PRPF3: variants seen among roughly 807,000 people sequenced by gnomAD.
The protein encoded by PRPF3 is pre-mRNA processing factor 3.
PRPF3 carries 3 observed loss-of-function variants against 89.2 expected under a neutral mutation model. The ratio of observed to expected loss-of-function variants is 0.03; its 90% CI spans 0.02 to 0.09. The LOEUF (loss-of-function observed/expected upper bound fraction) is 0.09, where lower values mean the gene tolerates loss of function less well. PRPF3 is among the 10% of genes least tolerant of loss of function. The probability of loss-of-function intolerance (pLI) is 1.00; values close to 1 mark genes in which losing one functional copy is unlikely to be tolerated. For missense variants in PRPF3, 463 were observed against 828.8 expected (o/e 0.56, Z 5.42); for synonymous variants, 270 against 289.1 (o/e 0.93, Z 0.67).
At chr1:150,327,296 G>A (rs587631199) in intron 3 of PRPF3, among the ~76,000 whole-genome samples, 1 of 152,116 alleles carries the variant, frequency 6.6e-6, no homozygotes, top group Admixed American at 6.6e-5. Flanking sequence ...TCGAACTCCT[G>A]ACCTCAAGAT....
chr1:150,333,312 C>A, intron 6 of PRPF3, 113 bp downstream of exon 6: 1 of 1,208,952 alleles, frequency 8.3e-7, no homozygotes, highest in Non-Finnish European at 1.2e-6. Context: ...GTAATCGTAG[C>A]ACTTTGGGAG....
chr1:150,347,994 G>A (rs1658463866), intron 14 of PRPF3, among the ~76,000 whole-genome samples: 1 of 152,192 alleles, frequency 6.6e-6, no homozygotes, highest in Admixed American at 6.5e-5. Flanking sequence ...GTCAAGGACT[G>A]TCTGTCTATA....
At chr1:150,336,637 T>C (rs1236627438) in intron 7 of PRPF3, among the ~76,000 whole-genome samples, 1 of 151,966 alleles carries the variant, frequency 6.6e-6, no homozygotes. Flanking sequence ...GTGCCTGTAA[T>C]CCTAGCTACT....
At position 150,323,173 on chromosome 1, in the gene PRPF3, C is replaced by CTTTTTTTTTTTTTTT. The variant is rs71083901; in HGVS notation, c.-49+1591_-49+1605dup. On this transcript the variant is annotated intron_variant, in intron 1 of 15. Transcript: ENST00000324862. Reference sequence around the variant, plus strand: ...TACAGGCGTGAGCCACCGCACCTGGCTTTTTTTTTTTTTTTTTTTTTTTTG... The same window carrying CTTTTTTTTTTTTTTT: ...TACAGGCGTGAGCCACCGCACCTGGCTTTTTTTTTTTTTTTTTTTTTTTTTTTTTTTTTTTTTTTG... 7.0e-4 allele frequency among the ~76,000 whole-genome samples: 34 copies of CTTTTTTTTTTTTTTT among 48,286 alleles called. 10 individuals are homozygous for CTTTTTTTTTTTTTTT. Among genetic ancestry groups the CTTTTTTTTTTTTTTT allele is most frequent in the African/African-American group, 2.8e-3 (29 of 10,350 alleles). 31.7% of individuals were successfully genotyped at this position (48,286 alleles called of 152,430 possible).
At chr1:150,323,201 GAC>G (rs1655292079) in intron 1 of PRPF3, among the ~76,000 whole-genome samples, 2 of 15,372 alleles carry the variant, frequency 1.3e-4, no homozygotes, top group South Asian at 3.1e-3. Flanking sequence ...TTTTTTTGGA[GAC>G]ACAGTTTCAC....
chr1:150,342,413 CAT>C (rs1657849515), intron 9 of PRPF3, among the ~76,000 whole-genome samples: 1 of 152,142 alleles, frequency 6.6e-6, no homozygotes, highest in South Asian at 2.1e-4. Context: ...TTTTTAAAAA[CAT>C]AGCCATATTG....
intron 14 of PRPF3, among the ~76,000 whole-genome samples, chr1:150,347,996 C>T (rs1553873374): frequency 1.3e-5 from 2 of 152,206 alleles, no homozygotes; most frequent in African/African-American, 2.4e-5. Context: ...CAAGGACTGT[C>T]TGTCTATATT....
intron 3 of PRPF3, chr1:150,327,661 A>G (rs1016794305): frequency 4.1e-6 from 4 of 984,592 alleles, no homozygotes; most frequent in African/African-American, 3.5e-5. Flanking sequence ...CGGTGTGTAC[A>G]TTTGCTTTTT....
rs587727799 is a variant in PRPF3, at chr1:150,328,614, G to T, written c.423+148G>T. On this transcript the variant is annotated intron_variant, in intron 4 of 15. Transcript: ENST00000324862. ...GTCACCCAGGCTGGAATACAGTGGC[G>T]CGATCTCAGCTCACTGCAACCTCCG... The T allele has an allele frequency of 1.2e-5, 10 of 851,530 alleles. No individual in the cohort carries two copies. In the East Asian group the frequency reaches 2.9e-4, roughly 24 times the overall value. The allele number at this position is 851,530 out of a possible 1,614,324, so 52.7% of individuals were successfully genotyped here. A position where few individuals can be genotyped will look rare whatever the true frequency, so the allele number is the denominator to read the frequency against.
intron 15 of PRPF3, among the ~76,000 whole-genome samples, chr1:150,351,527 G>T (rs1375752008): frequency 6.6e-6 from 1 of 151,388 alleles, no homozygotes; most frequent in Non-Finnish European, 1.5e-5. Flanking sequence ...TAGAGATAGG[G>T]TCTTGCTCTA....
chr1:150,331,670 G>A (rs76568454), intron 4 of PRPF3, among the ~76,000 whole-genome samples: 1,539 of 152,148 alleles, frequency 0.01, 21 homozygotes, highest in African/African-American at 0.034. Flanking sequence ...TGACCCTTCC[G>A]TAATTTTTGA....
At chr1:150,348,240 C>T (rs587605019) in intron 14 of PRPF3, among the ~76,000 whole-genome samples, 63 of 151,680 alleles carry the variant, frequency 4.2e-4, no homozygotes, top group Non-Finnish European at 7.1e-4. Flanking sequence ...ATGAGCTGGG[C>T]GTGGCAGCGT....
intron 15 of PRPF3, among the ~76,000 whole-genome samples, chr1:150,350,054 C>A (rs934671096): frequency 6.6e-5 from 10 of 151,966 alleles, no homozygotes; most frequent in Admixed American, 2.6e-4. Context: ...CGCCACCATG[C>A]CCGACTAATT....
chr1:150,350,172 AG>A (rs1351010821), intron 15 of PRPF3, among the ~76,000 whole-genome samples: 6 of 149,690 alleles, frequency 4.0e-5, no homozygotes, highest in South Asian at 4.2e-4. Flanking sequence ...CTGGGATTAC[AG>A]GCATGAGCCA....
At chr1:150,349,566 G>A (rs1400068522) in intron 15 of PRPF3, among the ~76,000 whole-genome samples, 1 of 152,170 alleles carries the variant, frequency 6.6e-6, no homozygotes, top group Admixed American at 6.6e-5. Context: ...ATATAGTGAA[G>A]GAAGTACTAG....
intron 8 of PRPF3, among the ~76,000 whole-genome samples, chr1:150,339,828 GTTCTTC>G (rs1162875778): frequency 2.7e-5 from 4 of 147,146 alleles, no homozygotes; most frequent in Admixed American, 1.4e-4. Flanking sequence ...GGTTGAAGCA[GTTCTTC>G]TAGCTCAGCC....
rs782790721 is a variant in PRPF3 at position 150,328,375 on chromosome 1, G to A, written c.332G>A (p.Arg111Gln). 4.3e-6 allele frequency: 7 copies of A among 1,613,776 alleles called. No homozygotes were observed. Among genetic ancestry groups the A allele is most frequent in the African/African-American group, 1.3e-5 (1 of 74,832 alleles). Residue 111 changes from arginine to glutamine, a missense_variant, in exon 4 of 16, where the codon CGA becomes CAA. Arg to Gln is a conservative substitution (Grantham distance 43). This residue lies in a region of PRPF3 where 28 missense variants were observed against 48.1 expected (regional missense o/e 0.58). Coordinates refer to ENST00000324862, the MANE Select transcript of PRPF3 (RefSeq NM_004698.4). ...AAAGAATCATCAGGAGTAAAGAAGC[G>A]ACGAATACCCCGTTTTGAGGAGGTG... is the stretch of plus-strand genomic sequence containing the variant. ...ISKESSGVKK[R>Q]RIPRFEEVEE...
chr1:150,337,070 G>A (rs928779401), intron 7 of PRPF3, among the ~76,000 whole-genome samples: 2 of 119,546 alleles, frequency 1.7e-5, no homozygotes, highest in African/African-American at 3.3e-5. Flanking sequence ...ACGGAGTCTC[G>A]CTCTGTCACC....
At chr1:150,350,126 C>A (rs1658761766) in intron 15 of PRPF3, among the ~76,000 whole-genome samples, 1 of 151,928 alleles carries the variant, frequency 6.6e-6, no homozygotes, top group Non-Finnish European at 1.5e-5. Context: ...GAACTCCCAA[C>A]CTCAGGTGAT....
Sources: gnomAD v4.1 joint callset for allele counts (sites outside exome capture counted in the v4.1 genomes callset) on GRCh38, gnomAD v4.1.1 for gene constraint, gnomAD v4.1.1 regional missense constraint, MANE v1.5 for transcripts, NCBI Gene and HGNC (gene_info 2026-07-23, HGNC 2026-07-21) for gene names.